Variants in APC observed in about 807,000 individuals in gnomAD.
APC encodes the protein APC regulator of Wnt signaling pathway.
In APC, 72 loss-of-function variants were observed where a neutral mutation model predicts 247.0. That is an observed-to-expected ratio of 0.29 (90% CI 0.24 to 0.35). APC has a LOEUF of 0.35. APC is among the 10% of genes least tolerant of loss of function. The pLI is 1.00. For synonymous variants in APC, 1,254 were observed against 1,162.5 expected (o/e 1.08, Z -1.60); for missense variants, 3,400 against 3,360.7 (o/e 1.01, Z -0.29).
chr5:112,770,074 G>A (rs1295613414), intron 4 of APC, among the ~76,000 whole-genome samples: 1 of 152,076 alleles, frequency 6.6e-6, no homozygotes, highest in Non-Finnish European at 1.5e-5. Flanking sequence ...CTTTATGTAG[G>A]CAAAGTCCTG....
chr5:112,713,685 TGA>T (rs1294369408), intron 1 of APC, among the ~76,000 whole-genome samples: 2 of 152,212 alleles, frequency 1.3e-5, no homozygotes, highest in Non-Finnish European at 2.9e-5. Flanking sequence ...GTTTATTTTC[TGA>T]GAGAGAGTCT....
chr5:112,823,104 T>C (rs1181403019), intron 11 of APC, among the ~76,000 whole-genome samples: 1 of 152,244 alleles, frequency 6.6e-6, no homozygotes, highest in Non-Finnish European at 1.5e-5. Context: ...GTGAACATTT[T>C]AAATTTTTTA....
intron 2 of APC, among the ~76,000 whole-genome samples, chr5:112,756,620 T>C (rs1420680984): frequency 1.3e-5 from 2 of 152,202 alleles, no homozygotes; most frequent in Admixed American, 1.3e-4. Context: ...TTTTGTAGTG[T>C]AGAACTCTGA....
rs113974478 is a variant in APC at position 112,835,503 on chromosome 5, C to G, written c.1958+338C>G. Among the ~76,000 whole-genome samples the G allele has an allele frequency of 7.5e-3, 1,136 of 151,656 alleles. 13 individuals carry two copies. Among genetic ancestry groups the G allele is most frequent in the African/African-American group, 0.026 (1,060 of 41,376 alleles). On this transcript the variant is annotated intron_variant, in intron 15 of 15. Transcript: ENST00000257430. ...AACAAAATTTAGAACAAGACAAAAA[C>G]TATGAGCGTGATCCAGAGAATATAA...
intron 1 of APC, among the ~76,000 whole-genome samples, chr5:112,729,459 A>G (rs1387164718): frequency 6.6e-6 from 1 of 152,202 alleles, no homozygotes; most frequent in African/African-American, 2.4e-5. Flanking sequence ...ATGAAGGACT[A>G]GTCATTTGAA....
chr5:112,794,571 C>T (rs1759998997), intron 7 of APC, among the ~76,000 whole-genome samples: 1 of 152,054 alleles, frequency 6.6e-6, no homozygotes, highest in Admixed American at 6.6e-5. Flanking sequence ...TTTGGGTGTC[C>T]CTAAGCCACC....
rs141877648 is a variant in APC at position 112,761,252 on chromosome 5, T to G, written c.136-5074T>G. ...TACACAGTTGGCATACAGTCAAACG[T>G]TATATGAAATGCAGAGAAACTGGAA... On this transcript the variant is annotated intron_variant, in intron 2 of 15. Coordinates refer to ENST00000257430, the MANE Select transcript of APC (RefSeq NM_000038.6). Among the ~76,000 whole-genome samples the G allele has an allele frequency of 4.6e-4, 70 of 152,266 alleles. 1 individual carries two copies. The highest frequency in any genetic ancestry group is 1.6e-3 in the African/African-American group (67 of 41,554).
At chr5:112,744,204 T>G (rs1753376783) in intron 1 of APC, among the ~76,000 whole-genome samples, 1 of 152,124 alleles carries the variant, frequency 6.6e-6, no homozygotes, top group African/African-American at 2.4e-5. Context: ...ACTTGGTACC[T>G]TGTGAATAAT....
intron 4 of APC, among the ~76,000 whole-genome samples, chr5:112,770,802 C>T (rs182655713): frequency 3.0e-3 from 463 of 152,166 alleles, no homozygotes; most frequent in Non-Finnish European, 4.6e-3. Flanking sequence ...AATTATCCAT[C>T]CAGTTTTTAA....
rs143413669 is a variant in APC, at chr5:112,781,213, C to T, written c.645+310C>T. 7.9e-3 allele frequency among the ~76,000 whole-genome samples: 1,205 copies of T among 152,238 alleles called. 9 individuals carry two copies. Among genetic ancestry groups the T allele is most frequent in the South Asian group, 0.016 (79 of 4,814 alleles). ...CAGTTCTCCTTTGAAATTTTTACTT[C>T]TTGTAATCTTAGACTGTATAAAGGC... On this transcript the variant is annotated intron_variant, in intron 6 of 15. Coordinates refer to ENST00000257430, the MANE Select transcript of APC (RefSeq NM_000038.6).
intron 1 of APC, among the ~76,000 whole-genome samples, chr5:112,740,005 T>C (rs1752810359): frequency 6.6e-6 from 1 of 152,230 alleles, no homozygotes; most frequent in East Asian, 1.9e-4. Context: ...AAGTCTTCTA[T>C]TTTATTCTAA....
intron 1 of APC, among the ~76,000 whole-genome samples, chr5:112,708,392 C>A (rs1332015336): frequency 6.6e-6 from 1 of 152,188 alleles, no homozygotes; most frequent in Non-Finnish European, 1.5e-5. Context: ...AGGTCAGAGT[C>A]TGACTCCTTG....
In APC at chr5:112,754,866, C is replaced by G. The variant is rs934014454; in HGVS notation, c.-18-7C>G. 2.5e-6 allele frequency: 4 copies of G among 1,612,796 alleles called. No individual in the cohort carries two copies. The highest frequency in any genetic ancestry group is 3.4e-6 in the Non-Finnish European group (4 of 1,179,298). On this transcript the variant is annotated splice_region_variant and splice_polypyrimidine_tract_variant and intron_variant, in intron 1 of 15. Coordinates refer to ENST00000257430, the MANE Select transcript of APC (RefSeq NM_000038.6). ...AGTGAATTTCAAAATCCTTTTTAAC[C>G]TTATAGGTCCAAGGGTAGCCAAGGA...
chr5:112,796,508 A>G (rs1760226982), intron 7 of APC, among the ~76,000 whole-genome samples: 1 of 152,198 alleles, frequency 6.6e-6, no homozygotes, highest in Non-Finnish European at 1.5e-5. Context: ...TAATCCTAAA[A>G]GCAGTTTAAC....
chr5:112,748,211 A>T lies in APC; in HGVS notation c.-18-6662A>T, dbSNP rs76803043. On this transcript the variant is annotated intron_variant, in intron 1 of 15. Coordinates refer to ENST00000257430, the MANE Select transcript of APC (RefSeq NM_000038.6). ...GTAGCTATTTACAGAATGTAAGCAAAGGAAAGTGTGGGGAAAGAATATGGC... is the reference window on the plus strand; with the variant it reads ...GTAGCTATTTACAGAATGTAAGCAATGGAAAGTGTGGGGAAAGAATATGGC... Among the ~76,000 whole-genome samples the T allele has an allele frequency of 3.7e-3, 567 of 152,314 alleles. 1 individual carries two copies. Among genetic ancestry groups the T allele is most frequent in the Middle Eastern group, 6.8e-3 (2 of 294 alleles).
intron 5 of APC, among the ~76,000 whole-genome samples, chr5:112,777,362 A>G (rs1757772498): frequency 6.6e-6 from 1 of 152,186 alleles, no homozygotes; most frequent in Admixed American, 6.5e-5. Flanking sequence ...ATGGCTATGG[A>G]AATTTCCCCT....
chr5:112,818,855 G>GGGTGGTTTGTTTTT, intron 9 of APC, 111 bp from the exon 10 acceptor site: 2 of 1,118,296 alleles, frequency 1.8e-6, no homozygotes, highest in South Asian at 1.4e-5. Context: ...GGCGGGGGGG[G>GGGTGGTTTGTTTTT]TTGTTTTGTT....
chr5:112,767,467 G>A, intron 4 of APC, 77 bp downstream of exon 4: 1 of 1,232,890 alleles, frequency 8.1e-7, no homozygotes, highest in Non-Finnish European at 1.2e-6. Flanking sequence ...TATTTAAATT[G>A]TGAATTTATA....
rs751827696 is a variant in APC at position 112,755,007 on chromosome 5, T to A, written c.117T>A (p.Thr39=). 1 of 1,613,770 alleles carries A rather than the reference T, an allele frequency of 6.2e-7. No homozygotes were observed. Among genetic ancestry groups the A allele is most frequent in the South Asian group, 1.1e-5 (1 of 91,070 alleles). Residue 39 remains threonine, a synonymous_variant, in exon 2 of 16, where the codon ACT becomes ACA. Transcript: ENST00000257430. ...CCAATCATCTTACAAAACTGGAAACTGAGGCATCTAATATGAAGGTATCAA... is the reference window on the plus strand; with the variant it reads ...CCAATCATCTTACAAAACTGGAAACAGAGGCATCTAATATGAAGGTATCAA... ...DNSNHLTKLE[T]EASNMKEVLK... is the part of the protein sequence containing the mutation.
Sources: allele counts gnomAD v4.1 joint callset (sites outside exome capture counted in the v4.1 genomes callset), GRCh38; gene constraint gnomAD v4.1.1; transcripts MANE v1.5; gene names NCBI Gene and HGNC (gene_info 2026-07-23, HGNC 2026-07-21).